The following UBE2D1 variants were observed in gnomAD, a reference collection of about 807,000 sequenced individuals.
UBE2D1 encodes ubiquitin conjugating enzyme E2 D1, also known as ubiquitin-conjugating enzyme E2 D1.
In UBE2D1, 9 loss-of-function variants were observed where a neutral mutation model predicts 24.6. The ratio of observed to expected loss-of-function variants is 0.37; its 90% CI spans 0.22 to 0.64. The LOEUF (loss-of-function observed/expected upper bound fraction) is 0.64, where lower values mean the gene tolerates loss of function less well. UBE2D1 is among the 30% of genes least tolerant of loss of function. UBE2D1 has a pLI of 0.64. For missense variants in UBE2D1, 87 were observed against 177.1 expected (o/e 0.49, Z 2.89); for synonymous variants, 57 against 57.6 (o/e 0.99, Z 0.04).
Position 58,335,160 on chromosome 10 carries a change from C to T in UBE2D1, c.-42C>T. On this transcript the variant is annotated 5_prime_UTR_variant, in exon 1 of 7. Coordinates refer to ENST00000373910, the MANE Select transcript of UBE2D1 (RefSeq NM_003338.5). ...CGACCCACGCCCCTGAGCCCCGCAG[C>T]CGACCCCTGCCGGCCGGTGTCCCCA... 3 of 1,536,620 alleles carry T rather than the reference C, an allele frequency of 2.0e-6. No homozygotes were observed. Among genetic ancestry groups the T allele is most frequent in the Non-Finnish European group, 2.6e-6 (3 of 1,144,566 alleles).
At chr10:58,337,288 ATCT>A (rs953738636) in intron 1 of UBE2D1, among the ~76,000 whole-genome samples, 4 of 152,124 alleles carry the variant, frequency 2.6e-5, no homozygotes, top group African/African-American at 9.7e-5. Context: ...ACTTACACAA[ATCT>A]TCTTTCCATT....
At chr10:58,363,960 G>A (rs564129410) in intron 4 of UBE2D1, among the ~76,000 whole-genome samples, 23 of 150,900 alleles carry the variant, frequency 1.5e-4, no homozygotes, top group African/African-American at 4.9e-4. Context: ...AGTTTGGGAC[G>A]TTTTTATGAT....
chr10:58,360,536 G>A (rs993166728), intron 1 of UBE2D1, among the ~76,000 whole-genome samples: 39 of 152,186 alleles, frequency 2.6e-4, no homozygotes, highest in African/African-American at 9.2e-4. Context: ...TGTGATCTTT[G>A]CTGCCTTGAG....
chr10:58,367,831 A>C lies in UBE2D1; in HGVS notation c.305-92A>C, dbSNP rs1589005190. The C allele has an allele frequency of 1.2e-5, 9 of 720,160 alleles. No individual in the cohort carries two copies. In the East Asian group the frequency reaches 2.4e-4, roughly 19 times the overall value. 44.6% of individuals were successfully genotyped at this position (720,160 alleles called of 1,614,324 possible). On this transcript the variant is annotated intron_variant, in intron 5 of 6. Coordinates refer to ENST00000373910, the MANE Select transcript of UBE2D1 (RefSeq NM_003338.5). Reference sequence around the variant, plus strand: ...CATTTTATGTTTTTTTTATAAGTACAGTATCTATATTCACTAAAATTATTT... The same window carrying C: ...CATTTTATGTTTTTTTTATAAGTACCGTATCTATATTCACTAAAATTATTT...
chr10:58,356,987 T>C (rs1840138372), intron 1 of UBE2D1, among the ~76,000 whole-genome samples: 1 of 152,142 alleles, frequency 6.6e-6, no homozygotes, highest in Non-Finnish European at 1.5e-5. Flanking sequence ...AAATCGTTAT[T>C]GGGAGGCTAT....
At chr10:58,338,012 G>A (rs1382139394) in intron 1 of UBE2D1, among the ~76,000 whole-genome samples, 1 of 151,906 alleles carries the variant, frequency 6.6e-6, no homozygotes. Context: ...ATGCCCCGCT[G>A]ATTTTTTGTA....
intron 3 of UBE2D1, among the ~76,000 whole-genome samples, chr10:58,362,172 G>C (rs935802353): frequency 6.6e-6 from 1 of 152,044 alleles, no homozygotes; most frequent in Non-Finnish European, 1.5e-5. Context: ...CTTTCTATGA[G>C]CAAAAAATCT....
chr10:58,340,941 A>C (rs1839955554), intron 1 of UBE2D1, among the ~76,000 whole-genome samples: 1 of 152,190 alleles, frequency 6.6e-6, no homozygotes, highest in African/African-American at 2.4e-5. Context: ...GGAATGTTCT[A>C]TACAAATGTA....
chr10:58,338,668 G>A (rs1839929635), intron 1 of UBE2D1, among the ~76,000 whole-genome samples: 2 of 150,566 alleles, frequency 1.3e-5, no homozygotes, highest in Non-Finnish European at 3.0e-5. Flanking sequence ...AAAACTAAAG[G>A]GCAAAAAAAA....
chr10:58,340,973 C>G (rs1306983527), intron 1 of UBE2D1, among the ~76,000 whole-genome samples: 1 of 152,128 alleles, frequency 6.6e-6, no homozygotes, highest in East Asian at 1.9e-4. Context: ...TAATTAAGAC[C>G]TTGGCATATT....
chr10:58,355,577 G>GT (rs1189039143), intron 1 of UBE2D1, among the ~76,000 whole-genome samples: 4 of 152,168 alleles, frequency 2.6e-5, no homozygotes, highest in African/African-American at 4.8e-5. Flanking sequence ...CTTATGACTG[G>GT]TTGGCTTATG....
In UBE2D1 at chr10:58,361,346, T is replaced by G; in HGVS notation, c.33T>G (p.Ser11Arg). The G allele has an allele frequency of 6.2e-7, 1 of 1,614,094 alleles. No individual in the cohort carries two copies. Among genetic ancestry groups the G allele is most frequent in the Non-Finnish European group, 8.5e-7 (1 of 1,179,910 alleles). The change falls in exon 2 of 7, where the codon AGT (serine) becomes AGG (arginine). Residue 11 changes from serine to arginine, a missense_variant. Physicochemically the swap from Ser to Arg is moderately radical, Grantham distance 110. Coordinates refer to ENST00000373910, the MANE Select transcript of UBE2D1 (RefSeq NM_003338.5). Reference protein sequence around the residue: MALKRIQKELSDLQRDPPAHC... With the variant: MALKRIQKELRDLQRDPPAHC... ...TTTTTGATTTCCTTCAGGAATTGAG[T>G]GATCTACAGCGCGATCCACCTGCTC...
intron 1 of UBE2D1, among the ~76,000 whole-genome samples, chr10:58,360,301 C>T (rs1468755294): frequency 2.6e-5 from 4 of 152,032 alleles, no homozygotes; most frequent in African/African-American, 9.7e-5. Context: ...AGTTATAGTC[C>T]TTTATATTGA....
chr10:58,356,518 A>G (rs1007975228), intron 1 of UBE2D1, among the ~76,000 whole-genome samples: 5 of 152,094 alleles, frequency 3.3e-5, no homozygotes, highest in African/African-American at 1.2e-4. Context: ...TTCAGTTTTC[A>G]TACTTATACA....
chr10:58,355,633 G>A (rs1318107883), intron 1 of UBE2D1, among the ~76,000 whole-genome samples: 1 of 152,128 alleles, frequency 6.6e-6, no homozygotes, highest in African/African-American at 2.4e-5. Context: ...TTAAGCTTGG[G>A]AAAGAAAGTA....
At chr10:58,348,625 C>A (rs1588998719) in intron 1 of UBE2D1, among the ~76,000 whole-genome samples, 1 of 152,100 alleles carries the variant, frequency 6.6e-6, no homozygotes, top group South Asian at 2.1e-4. Flanking sequence ...TGTATTATAT[C>A]TATTATGGAG....
At chr10:58,335,989 A>G (rs1839899851) in intron 1 of UBE2D1, among the ~76,000 whole-genome samples, 1 of 152,214 alleles carries the variant, frequency 6.6e-6, no homozygotes, top group African/African-American at 2.4e-5. Context: ...AACTGTCGCA[A>G]ATAAATTGTT....
intron 1 of UBE2D1, among the ~76,000 whole-genome samples, chr10:58,336,873 GC>G (rs1839909072): frequency 6.6e-6 from 1 of 151,984 alleles, no homozygotes; most frequent in South Asian, 2.1e-4. Context: ...TCACTATATT[GC>G]CCATGCTGAT....
chr10:58,346,010 CTT>C (rs972974578), intron 1 of UBE2D1, among the ~76,000 whole-genome samples: 83 of 136,370 alleles, frequency 6.1e-4, no homozygotes, highest in Admixed American at 5.2e-4. Context: ...GGAGCTAATA[CTT>C]TTTTTTTTTT....
Sources: gnomAD v4.1 joint callset for allele counts (sites outside exome capture counted in the v4.1 genomes callset) on GRCh38, gnomAD v4.1.1 for gene constraint, MANE v1.5 for transcripts, NCBI Gene and HGNC (gene_info 2026-07-23, HGNC 2026-07-21) for gene names.